Variants in SAMD12 observed in about 807,000 individuals in gnomAD.
SAMD12 encodes the protein sterile alpha motif domain-containing protein 12.
Under a neutral mutation model 15.0 loss-of-function variants are expected in SAMD12, and 9 were observed. The observed-to-expected ratio is 0.60, with a 90% CI of 0.36 to 1.05. The LOEUF (loss-of-function observed/expected upper bound fraction) is 1.05, where lower values mean the gene tolerates loss of function less well. SAMD12 is among the 50% of genes least tolerant of loss of function. The pLI, the probability that SAMD12 is intolerant of heterozygous loss-of-function variation, is 0.01. For missense variants in SAMD12, 230 were observed against 234.2 expected, an observed-to-expected ratio of 0.98 and a Z score of 0.12; for synonymous variants, 86 against 90.1, an observed-to-expected ratio of 0.96 and a Z score of 0.25.
exon 5 of SAMD12, chr8:118,193,381 A>G (rs1263615386): frequency 1.3e-5 from 2 of 152,208 alleles, no homozygotes; most frequent in Admixed American, 1.3e-4. Flanking sequence ...AAGCTATGCA[A>G]TGGTGCCAGG....
chr8:118,360,497 G>GT (rs146431124), intron 4 of SAMD12, among the ~76,000 whole-genome samples: 20,818 of 150,930 alleles, frequency 0.14, 1,871 homozygotes, highest in Non-Finnish European at 0.18. Context: ...TCTAAAACAA[G>GT]TTTTTTCTCC....
chr8:118,385,344 C>T (rs1174399738), intron 3 of SAMD12, among the ~76,000 whole-genome samples: 2 of 152,124 alleles, frequency 1.3e-5, no homozygotes, highest in Admixed American at 6.5e-5. Context: ...AGAGAATTCT[C>T]CTGCCTGATG....
chr8:118,157,409 A>T, the SAMD12 span, among the ~76,000 whole-genome samples: 1 of 152,268 alleles, frequency 6.6e-6, no homozygotes. Flanking sequence ...GGTTACCTCC[A>T]GGGACAGAAG....
chr8:118,335,345 C>T (rs192527611), intron 4 of SAMD12, among the ~76,000 whole-genome samples: 2 of 152,262 alleles, frequency 1.3e-5, no homozygotes, highest in Admixed American at 1.3e-4. Context: ...TCATGTTTCC[C>T]ACTCTCTCAC....
chr8:118,280,246 A>G (rs537745339), intron 4 of SAMD12, among the ~76,000 whole-genome samples: 7 of 152,310 alleles, frequency 4.6e-5, no homozygotes, highest in Admixed American at 4.6e-4. Flanking sequence ...TCTTAGTCAA[A>G]ATATTCTTTT....
intron 4 of SAMD12, among the ~76,000 whole-genome samples, chr8:118,357,578 C>T (rs78728696): frequency 0.01 from 1,522 of 152,076 alleles, 37 homozygotes; most frequent in East Asian, 0.029. Context: ...ACCATTAGTA[C>T]GTGAGATGAT....
At chr8:118,513,034 T>C (rs1027560997) in intron 2 of SAMD12, among the ~76,000 whole-genome samples, 1 of 152,142 alleles carries the variant, frequency 6.6e-6, no homozygotes, top group African/African-American at 2.4e-5. Context: ...TACAGTTATG[T>C]CATATGTGTA....
At chr8:118,539,226 A>C (rs1182723519) in intron 2 of SAMD12, among the ~76,000 whole-genome samples, 1 of 152,240 alleles carries the variant, frequency 6.6e-6, no homozygotes, top group African/African-American at 2.4e-5. Context: ...AGATGGAATC[A>C]CGAAGTCCAG....
At chr8:118,460,248 C>T (rs1823375865) in intron 2 of SAMD12, among the ~76,000 whole-genome samples, 2 of 152,130 alleles carry the variant, frequency 1.3e-5, no homozygotes, top group Non-Finnish European at 2.9e-5. Flanking sequence ...TGGCATTGTA[C>T]TGTTTGATGG....
the SAMD12 span, among the ~76,000 whole-genome samples, chr8:118,149,461 G>T: frequency 6.6e-6 from 1 of 151,890 alleles, no homozygotes; most frequent in African/African-American, 2.4e-5. Context: ...ATTTTTATTG[G>T]GTTGTTTATT....
intron 4 of SAMD12, among the ~76,000 whole-genome samples, chr8:118,271,234 T>A (rs917496777): frequency 1.3e-4 from 20 of 152,148 alleles, no homozygotes; most frequent in African/African-American, 4.8e-4. Context: ...AACATGTCCT[T>A]CTTCACATGG....
At chr8:118,139,210 G>T in the SAMD12 span, among the ~76,000 whole-genome samples, 1 of 142,852 alleles carries the variant, frequency 7.0e-6, no homozygotes, top group African/African-American at 2.6e-5. Flanking sequence ...GGTTTTGGCA[G>T]ACATTAAAAA....
the SAMD12 span, among the ~76,000 whole-genome samples, chr8:118,137,126 C>T: frequency 2.0e-5 from 3 of 152,210 alleles, no homozygotes; most frequent in East Asian, 5.8e-4. Flanking sequence ...ACAGAATCTT[C>T]TGGGGTCCAA....
chr8:118,565,864 T>C (rs1337951717), intron 2 of SAMD12, among the ~76,000 whole-genome samples: 2 of 152,236 alleles, frequency 1.3e-5, no homozygotes, highest in African/African-American at 2.4e-5. Context: ...TTACACCTAA[T>C]CATGTCTTAT....
chr8:118,551,328 C>G (rs914428488), intron 2 of SAMD12, among the ~76,000 whole-genome samples: 4 of 152,156 alleles, frequency 2.6e-5, no homozygotes, highest in Non-Finnish European at 5.9e-5. Flanking sequence ...CAAACTGTCT[C>G]TCAGACCATA....
At chr8:118,485,856 A>C (rs1235544171) in intron 2 of SAMD12, among the ~76,000 whole-genome samples, 1 of 152,358 alleles carries the variant, frequency 6.6e-6, no homozygotes, top group Non-Finnish European at 1.5e-5. Flanking sequence ...CATGTGTGAA[A>C]CAACACATAT....
At chr8:118,250,503 A>ATTTT (rs112780663) in intron 4 of SAMD12, among the ~76,000 whole-genome samples, 142 of 138,782 alleles carry the variant, frequency 1.0e-3, no homozygotes, top group African/African-American at 3.6e-3. Context: ...GCAAAAATGG[A>ATTTT]TTTTTTTTTT....
intron 4 of SAMD12, among the ~76,000 whole-genome samples, chr8:118,279,374 C>T (rs1394645616): frequency 6.6e-6 from 1 of 152,104 alleles, no homozygotes; most frequent in Non-Finnish European, 1.5e-5. Context: ...ACCCTAACAC[C>T]TTCCCATGCT....
chr8:118,160,062 T>C, the SAMD12 span, among the ~76,000 whole-genome samples: 1 of 152,232 alleles, frequency 6.6e-6, no homozygotes, highest in African/African-American at 2.4e-5. Context: ...ATCAAACTTT[T>C]AAATTTCCAA....
Sources: allele counts gnomAD v4.1 joint callset (sites outside exome capture counted in the v4.1 genomes callset), GRCh38; gene constraint gnomAD v4.1.1; transcripts MANE v1.5; gene names NCBI Gene and HGNC (gene_info 2026-07-23, HGNC 2026-07-21).